SLC23A2: variants seen among roughly 807,000 people sequenced by gnomAD.
SLC23A2 encodes Na(+)/L-ascorbic acid transporter 2.
In SLC23A2, 36 loss-of-function variants were observed where a neutral mutation model predicts 73.3. The ratio of observed to expected loss-of-function variants is 0.49; its 90% CI spans 0.38 to 0.65. The LOEUF (loss-of-function observed/expected upper bound fraction) is 0.65. Ranked by LOEUF, SLC23A2 falls within the 30% of genes least tolerant of loss-of-function variation. SLC23A2 has a pLI of 0.00. For synonymous variants in SLC23A2, 343 were observed against 327.3 expected, an observed-to-expected ratio of 1.05 and a Z score of -0.52; for missense variants, 507 against 841.6, an observed-to-expected ratio of 0.60 and a Z score of 4.92.
intron 1 of SLC23A2, among the ~76,000 whole-genome samples, chr20:4,983,359 C>A (rs2087756716): frequency 6.6e-6 from 1 of 152,000 alleles, no homozygotes. Context: ...GCAAAAGACA[C>A]AAGCAGGCTG....
intron 2 of SLC23A2, among the ~76,000 whole-genome samples, chr20:4,934,226 T>A (rs3761240): frequency 0.058 from 8,826 of 152,170 alleles, 415 homozygotes; most frequent in South Asian, 0.11. Context: ...CCAGAGTAAT[T>A]TTGCCCTGCA....
chr20:4,971,778 C>T (rs967758531), intron 1 of SLC23A2, among the ~76,000 whole-genome samples: 3 of 152,176 alleles, frequency 2.0e-5, no homozygotes, highest in East Asian at 3.9e-4. Flanking sequence ...CAGAGCAACA[C>T]GCCATCTCAA....
At chr20:4,966,055 G>A (rs938594747) in intron 2 of SLC23A2, among the ~76,000 whole-genome samples, 1 of 151,474 alleles carries the variant, frequency 6.6e-6, no homozygotes, top group Non-Finnish European at 1.5e-5. Context: ...ATAACAGAGG[G>A]AGACCCTGTC....
At chr20:4,882,366 C>T (rs977278551) in intron 9 of SLC23A2, among the ~76,000 whole-genome samples, 1 of 151,838 alleles carries the variant, frequency 6.6e-6, no homozygotes, top group African/African-American at 2.4e-5. Context: ...CAGAGCGAGA[C>T]TCCATTGCAA....
Position 4,886,888 on chromosome 20 carries a change from T to C in SLC23A2, c.483-979A>G, listed in dbSNP as rs79181767. 2.5e-3 allele frequency among the ~76,000 whole-genome samples: 387 copies of C among 152,246 alleles called. 7 individuals are homozygous for C. In the East Asian group the frequency reaches 0.039, roughly 15 times the overall value. On this transcript the variant is annotated intron_variant, in intron 6 of 16. Coordinates refer to ENST00000338244, the MANE Select transcript of SLC23A2 (RefSeq NM_005116.6). ...AGACAGGGACCCAGCATCCTTCCCT[T>C]TGAGCTGTCTGGCAGCAAGTCCTAC...
chr20:5,001,931 TTC>T (rs933083843), upstream of SLC23A2, among the ~76,000 whole-genome samples: 11 of 152,204 alleles, frequency 7.2e-5, no homozygotes, highest in African/African-American at 2.6e-4. Context: ...TTAAAACAAT[TTC>T]ACCGCTTCTC....
intron 11 of SLC23A2, among the ~76,000 whole-genome samples, chr20:4,870,422 C>T (rs1930399297): frequency 6.6e-6 from 1 of 152,010 alleles, no homozygotes. Flanking sequence ...ACTAAAAATA[C>T]AAAAATTAGC....
At chr20:4,962,361 C>A (rs1220429761) in intron 2 of SLC23A2, among the ~76,000 whole-genome samples, 3 of 152,052 alleles carry the variant, frequency 2.0e-5, no homozygotes, top group Non-Finnish European at 4.4e-5. Context: ...CACGTGATTT[C>A]CTGTGGCGTC....
rs547626978 is a variant in SLC23A2, at chr20:4,947,437, G to T, written c.-154-14721C>A. ...TTAACACATCACTTTTTGCACACAT[G>T]GTGCTTTTTATTTCAACACTATTTA... On this transcript the variant is annotated intron_variant, in intron 2 of 16. Transcript: ENST00000338244. This position sits in a 1 kb window ranked among gnomAD's most constrained non-coding sequence, Gnocchi z 4.4. Among the ~76,000 whole-genome samples, 1 of 152,192 alleles carries T rather than the reference G, an allele frequency of 6.6e-6. No homozygotes were observed. The highest frequency in any genetic ancestry group is 1.9e-4 in the East Asian group (1 of 5,192).
chr20:4,858,261 G>T (rs115938446), intron 16 of SLC23A2, among the ~76,000 whole-genome samples: 1 of 152,190 alleles, frequency 6.6e-6, no homozygotes, highest in African/African-American at 2.4e-5. Context: ...CCTGACAGAT[G>T]GGTCAGGGAG....
At chr20:4,978,033 AAAAC>A (rs2087671204) in intron 1 of SLC23A2, among the ~76,000 whole-genome samples, 1 of 152,054 alleles carries the variant, frequency 6.6e-6, no homozygotes, top group East Asian at 1.9e-4. Context: ...GGTCTCTACA[AAAAC>A]AAACAAAAAA....
chr20:4,875,482 T>C (rs1396465089), intron 9 of SLC23A2, among the ~76,000 whole-genome samples: 2 of 152,196 alleles, frequency 1.3e-5, no homozygotes, highest in African/African-American at 4.8e-5. Context: ...AATCTAGCTC[T>C]ATGGCTTGAA....
intron 3 of SLC23A2, among the ~76,000 whole-genome samples, chr20:4,928,847 T>C (rs1403525083): frequency 2.0e-5 from 3 of 152,192 alleles, no homozygotes; most frequent in South Asian, 4.1e-4. Context: ...ATCTGGAAAT[T>C]AATGCTGTGA....
chr20:4,911,461 G>C (rs1361347448), intron 4 of SLC23A2, among the ~76,000 whole-genome samples: 1 of 152,100 alleles, frequency 6.6e-6, no homozygotes, highest in East Asian at 1.9e-4. Context: ...AATCACTTTA[G>C]TGATTACACT....
chr20:4,911,587 C>A (rs1295380126), intron 4 of SLC23A2, among the ~76,000 whole-genome samples: 1 of 151,940 alleles, frequency 6.6e-6, no homozygotes, highest in Non-Finnish European at 1.5e-5. Flanking sequence ...ACAGTGGTTC[C>A]AGAATAGAAT....
Position 4,859,356 on chromosome 20 carries a change from G to A in SLC23A2, c.1653C>T (p.Asn551=), listed in dbSNP as rs200421007. 21 of 1,612,650 alleles carry A rather than the reference G, an allele frequency of 1.3e-5. No individual in the cohort carries two copies. The highest frequency in any genetic ancestry group is 1.2e-4 in the Admixed American group (7 of 60,012). ...CAAACATAGCAGTTGTGAGAAGGAC[G>A]TTCAACACTTGATCGATTCCTGTTA... ...TGITGIDQVL[N]VLLTTAMFVG... Residue 551 remains asparagine (N), a synonymous_variant, in exon 16 of 17, where the codon AAC becomes AAT. Coordinates refer to ENST00000338244, the MANE Select transcript of SLC23A2 (RefSeq NM_005116.6).
intron 3 of SLC23A2, among the ~76,000 whole-genome samples, chr20:4,916,336 T>A (rs546477133): frequency 1.3e-5 from 2 of 152,178 alleles, no homozygotes; most frequent in South Asian, 4.1e-4. Flanking sequence ...AACCTAGATA[T>A]GATTGAAAGT....
Position 4,883,627 on chromosome 20 carries a change from G to C in SLC23A2, c.824+15C>G. ...GCCCCGCAGTGGTGGGATGAGGGGA[G>C]ATGTTTCCACTTACAGCATGGCAAT... On this transcript the variant is annotated intron_variant, in intron 9 of 16. Transcript: ENST00000338244. This position sits in a 1 kb window ranked among gnomAD's most constrained non-coding sequence, Gnocchi z 4.5. 6.3e-7 allele frequency: 1 copy of C among 1,594,168 alleles called. No individual in the cohort carries two copies. The highest frequency in any genetic ancestry group is 8.6e-7 in the Non-Finnish European group (1 of 1,167,302).
rs984012821 is a variant in SLC23A2, at chr20:4,899,299, G to A, written c.482+256C>T. Among the ~76,000 whole-genome samples, 6 of 152,142 alleles carry A rather than the reference G, an allele frequency of 3.9e-5. No homozygotes were observed. Among genetic ancestry groups the A allele is most frequent in the Non-Finnish European group, 8.8e-5 (6 of 68,018 alleles). ...CTGGGGAGCGAGCATGACTTGCCAA[G>A]GGGGCAGGGGAAGGAGAGTGAGGCT... On this transcript the variant is annotated intron_variant, in intron 6 of 16. Transcript: ENST00000338244. This position sits in a 1 kb window ranked among gnomAD's most constrained non-coding sequence, Gnocchi z 4.9.
Sources: allele counts gnomAD v4.1 joint callset (sites outside exome capture counted in the v4.1 genomes callset), GRCh38; gene constraint gnomAD v4.1.1; non-coding constraint Gnocchi (gnomAD v3.1); transcripts MANE v1.5; gene names NCBI Gene and HGNC (gene_info 2026-07-23, HGNC 2026-07-21).